SLC39A11: variants seen among roughly 807,000 people sequenced by gnomAD.
SLC39A11 encodes the protein zinc transporter ZIP11.
A neutral mutation model predicts 36.1 loss-of-function variants in SLC39A11; 33 were observed. The observed-to-expected ratio is 0.91, with a 90% CI of 0.69 to 1.22. The LOEUF is 1.22. Among genes scored for constraint, SLC39A11 ranks in the 50% most tolerant of loss-of-function variants. SLC39A11 has a pLI of 0.00. For missense variants in SLC39A11, 432 were observed against 430.3 expected (o/e 1.00, Z -0.03); for synonymous variants, 166 against 170.3 (o/e 0.97, Z 0.20).
At chr17:72,700,483 C>G (rs568697811) in intron 7 of SLC39A11, among the ~76,000 whole-genome samples, 2 of 152,326 alleles carry the variant, frequency 1.3e-5, no homozygotes, top group South Asian at 4.1e-4. Flanking sequence ...GATACACCGC[C>G]ATGAAAGGCG....
At chr17:72,688,211 G>A (rs979057617) in intron 7 of SLC39A11, among the ~76,000 whole-genome samples, 7 of 152,172 alleles carry the variant, frequency 4.6e-5, no homozygotes, top group African/African-American at 9.7e-5. Flanking sequence ...GCAGGCACCC[G>A]GCAGAACAAG....
intron 4 of SLC39A11, among the ~76,000 whole-genome samples, chr17:73,004,163 AAAAGAAAGAAAGAAAGAAAGAAAGAAAG>A (rs1268703786): frequency 4.0e-5 from 4 of 100,234 alleles, no homozygotes; most frequent in Non-Finnish European, 5.8e-5. Context: ...AAGAAGGAAA[AAAAGAAAGAAAGAAAGAAAGAAAGAAAG>A]AAAGAAAGAA....
chr17:73,024,559 C>T (rs569876136), intron 4 of SLC39A11, among the ~76,000 whole-genome samples: 47 of 152,090 alleles, frequency 3.1e-4, no homozygotes, highest in Non-Finnish European at 6.2e-4. Flanking sequence ...AGGAAATCTA[C>T]GAAGGAGAAA....
rs1268705672 is a variant in SLC39A11, at chr17:72,665,409, T to TTTTTG, written c.672-16142_672-16141insCAAAA. Among the ~76,000 whole-genome samples, 4 of 146,274 alleles carry TTTTTG rather than the reference T, an allele frequency of 2.7e-5. No homozygotes were observed. In the East Asian group the frequency reaches 7.8e-4, roughly 29 times the overall value. On this transcript the variant is annotated intron_variant, in intron 7 of 9. Transcript: ENST00000255559. Reference sequence around the variant, plus strand: ...GAGGTGTTTTTTTTTTTTTTTTTTTTTGAGACAGGGTCTTGCTGTTGCCCA... The same window carrying TTTTTG: ...GAGGTGTTTTTTTTTTTTTTTTTTTTTTTTGTGAGACAGGGTCTTGCTGTTGCCCA...
At chr17:72,957,808 G>T (rs2086341420) in intron 4 of SLC39A11, among the ~76,000 whole-genome samples, 2 of 127,682 alleles carry the variant, frequency 1.6e-5, no homozygotes, top group African/African-American at 5.4e-5. Context: ...GACAAAGGGA[G>T]ACCCTGTCTC....
intron 6 of SLC39A11, among the ~76,000 whole-genome samples, chr17:72,839,871 G>C (rs6501568): frequency 1.3e-5 from 2 of 152,228 alleles, no homozygotes; most frequent in Non-Finnish European, 2.9e-5. Context: ...GTCTGATGCA[G>C]CTGGAGTGAG....
chr17:72,893,945 T>C (rs1198726491), intron 5 of SLC39A11, among the ~76,000 whole-genome samples: 2 of 152,192 alleles, frequency 1.3e-5, no homozygotes, highest in Admixed American at 1.3e-4. Context: ...TTGTACTAAG[T>C]GCTAGGGATA....
intron 5 of SLC39A11, among the ~76,000 whole-genome samples, chr17:72,860,988 C>T (rs117324105): frequency 2.3e-3 from 354 of 152,268 alleles, no homozygotes; most frequent in Non-Finnish European, 4.3e-3. Context: ...CCATCTAGCA[C>T]ATAACACGTA....
chr17:73,015,306 G>T (rs1327953914), intron 4 of SLC39A11, among the ~76,000 whole-genome samples: 1 of 152,056 alleles, frequency 6.6e-6, no homozygotes, highest in Non-Finnish European at 1.5e-5. Context: ...GTCATAGTTA[G>T]TCCCTGGGCC....
At chr17:72,900,183 AAGAAAGAAAG>A (rs2082300519) in intron 5 of SLC39A11, among the ~76,000 whole-genome samples, 1 of 149,020 alleles carries the variant, frequency 6.7e-6, no homozygotes, top group South Asian at 2.1e-4. Context: ...GAAAGAAAGA[AAGAAAGAAAG>A]AAAGAAAGAA....
chr17:72,847,943 A>G (rs553034417), intron 6 of SLC39A11, among the ~76,000 whole-genome samples: 4 of 152,174 alleles, frequency 2.6e-5, no homozygotes, highest in Non-Finnish European at 4.4e-5. Context: ...AAAATGTATC[A>G]CCCAAGGATG....
In SLC39A11 at chr17:72,675,936, C is replaced by A. The variant is rs531532312; in HGVS notation, c.672-26668G>T. 1.2e-3 allele frequency among the ~76,000 whole-genome samples: 189 copies of A among 152,236 alleles called. 1 individual carries two copies. Among genetic ancestry groups the A allele is most frequent in the Non-Finnish European group, 2.1e-3 (141 of 68,020 alleles). ...TCAGGTAATCCACCTGCCTTGGCCT[C>A]CCAAAGTGCTGGGATGACAGGTGTG... On this transcript the variant is annotated intron_variant, in intron 7 of 9. Transcript: ENST00000255559.
chr17:72,712,525 C>A (rs1488303358), intron 7 of SLC39A11, among the ~76,000 whole-genome samples: 1 of 152,182 alleles, frequency 6.6e-6, no homozygotes, highest in Non-Finnish European at 1.5e-5. Flanking sequence ...AGAACACTTG[C>A]AGGATGTCTT....
In SLC39A11 at chr17:72,858,354, T is replaced by C. The variant is rs532354498; in HGVS notation, c.431-8550A>G. Among the ~76,000 whole-genome samples, 13 of 152,362 alleles carry C rather than the reference T, an allele frequency of 8.5e-5. No homozygotes were observed. The East Asian group carries it at 2.1e-3, about 25-fold the overall frequency. ...GTCTATGTGTCTGTTTTTATACCAG[T>C]ACCATGCTGTTTTGGTTACTGTAGT... On this transcript the variant is annotated intron_variant, in intron 5 of 9. Coordinates refer to ENST00000255559, the MANE Select transcript of SLC39A11 (RefSeq NM_139177.4).
At chr17:72,986,681 G>A (rs1205298958) in intron 4 of SLC39A11, among the ~76,000 whole-genome samples, 1 of 152,176 alleles carries the variant, frequency 6.6e-6, no homozygotes, top group Non-Finnish European at 1.5e-5. Context: ...GGCTCCCGGG[G>A]TGAACCGTGC....
At chr17:72,841,429 G>C (rs950658490) in intron 6 of SLC39A11, among the ~76,000 whole-genome samples, 1 of 152,208 alleles carries the variant, frequency 6.6e-6, no homozygotes. Context: ...ATTATGTGAA[G>C]TGAACTAAGC....
chr17:72,816,550 A>T (rs1354230454), intron 6 of SLC39A11, among the ~76,000 whole-genome samples: 1 of 152,188 alleles, frequency 6.6e-6, no homozygotes, highest in Non-Finnish European at 1.5e-5. Context: ...GGGTCATAGA[A>T]CACGTCCCAG....
At chr17:72,873,870 A>G (rs2080767085) in intron 5 of SLC39A11, among the ~76,000 whole-genome samples, 1 of 152,174 alleles carries the variant, frequency 6.6e-6, no homozygotes, top group Non-Finnish European at 1.5e-5. Flanking sequence ...TAACTGAATC[A>G]TGGGGGCAGT....
intron 5 of SLC39A11, among the ~76,000 whole-genome samples, chr17:72,903,045 T>TC (rs1567918963): frequency 6.6e-6 from 1 of 151,820 alleles, no homozygotes; most frequent in Admixed American, 6.6e-5. Flanking sequence ...GGTAAGTGGA[T>TC]CACCTGAGGT....
Sources: gnomAD v4.1 joint callset for allele counts (sites outside exome capture counted in the v4.1 genomes callset) on GRCh38, gnomAD v4.1.1 for gene constraint, MANE v1.5 for transcripts, NCBI Gene and HGNC (gene_info 2026-07-23, HGNC 2026-07-21) for gene names.